AGAP1: variants seen among roughly 807,000 people sequenced by gnomAD.
The protein encoded by AGAP1 is ArfGAP with GTPase domain, ankyrin repeat and PH domain 1, also known as arf-GAP with GTPase, ANK repeat and PH domain-containing protein 1.
AGAP1 carries 29 observed loss-of-function variants against 105.3 expected under a neutral mutation model. That is an observed-to-expected ratio of 0.28 (90% CI 0.21 to 0.38). AGAP1 has a LOEUF of 0.38. Among genes scored for constraint, AGAP1 ranks in the 10% least tolerant of loss-of-function variants. AGAP1 has a pLI of 1.00. For missense variants in AGAP1, 998 were observed against 1,165.1 expected (o/e 0.86, Z 2.09); for synonymous variants, 509 against 485.9 (o/e 1.05, Z -0.63).
rs1017219330 is a variant in AGAP1 at position 236,076,061 on chromosome 2, G to A, written c.2114+26780G>A. 7.9e-5 allele frequency among the ~76,000 whole-genome samples: 12 copies of A among 152,340 alleles called. No homozygotes were observed. The highest frequency in any genetic ancestry group is 1.9e-4 in the East Asian group (1 of 5,172). On this transcript the variant is annotated intron_variant, in intron 16 of 17. Transcript: ENST00000304032. This position sits in a 1 kb window ranked among gnomAD's most constrained non-coding sequence, Gnocchi z 4.4. ...TGCTCCTCACCAAGGCCCAAGACCCGTGCTGTCATAACAGTCCTCCTTCAG... is the reference window on the plus strand; with the variant it reads ...TGCTCCTCACCAAGGCCCAAGACCCATGCTGTCATAACAGTCCTCCTTCAG...
rs1446863905 is a variant in AGAP1, at chr2:236,076,921, C to CA, written c.2114+27641dup. On this transcript the variant is annotated intron_variant, in intron 16 of 17. Coordinates refer to ENST00000304032, the MANE Select transcript of AGAP1 (RefSeq NM_001037131.3). This position sits in a 1 kb window ranked among gnomAD's most constrained non-coding sequence, Gnocchi z 4.4. ...AGGAGTTCAAGACCAGCCAGGGCAA[C>CA]ATGGCAAAACCCTGTCACTACAGAA... Among the ~76,000 whole-genome samples, 1 of 150,710 alleles carries CA rather than the reference C, an allele frequency of 6.6e-6. No homozygotes were observed. Among genetic ancestry groups the CA allele is most frequent in the African/African-American group, 2.4e-5 (1 of 40,960 alleles).
At position 235,625,511 on chromosome 2, in the gene AGAP1, T is replaced by G. The variant is rs961302667; in HGVS notation, c.164-83668T>G. ...GAAAGAGAAAACCATGCTTTGCATG[T>G]GTCTTTTTACCAACCCAATGAGATT... On this transcript the variant is annotated intron_variant, in intron 1 of 17. Transcript: ENST00000304032. The surrounding 1 kb of genome is among the most constrained non-coding windows in gnomAD (Gnocchi z 4.0). Among the ~76,000 whole-genome samples, 1 of 152,198 alleles carries G rather than the reference T, an allele frequency of 6.6e-6. No individual in the cohort carries two copies. The highest frequency in any genetic ancestry group is 2.4e-5 in the African/African-American group (1 of 41,440).
rs371798262 is a variant in AGAP1, at chr2:236,012,792, C to A, written c.1646-23769C>A. 3.3e-4 allele frequency among the ~76,000 whole-genome samples: 41 copies of A among 122,624 alleles called. No individual in the cohort carries two copies. Among genetic ancestry groups the A allele is most frequent in the Admixed American group, 1.9e-3 (25 of 13,100 alleles). 80.4% of individuals were successfully genotyped at this position (122,624 alleles called of 152,430 possible). ...TATTATTATTATTATTATTATTATT[C>A]TCTTGAGATGGAATCTCTCACTGTC... On this transcript the variant is annotated intron_variant, in intron 13 of 17. Transcript: ENST00000304032. The surrounding 1 kb of genome is among the most constrained non-coding windows in gnomAD (Gnocchi z 4.9).
chr2:235,969,036 A>G (rs1318817830), intron 13 of AGAP1, among the ~76,000 whole-genome samples: 1 of 152,160 alleles, frequency 6.6e-6, no homozygotes, highest in Non-Finnish European at 1.5e-5. Context: ...GGTTACTCTT[A>G]ACTAACCAGA....
At chr2:235,861,736 A>G (rs750958142) in intron 9 of AGAP1, among the ~76,000 whole-genome samples, 2 of 152,206 alleles carry the variant, frequency 1.3e-5, no homozygotes, top group Non-Finnish European at 2.9e-5. Flanking sequence ...GGGGACTGGT[A>G]GGTACCCTGA....
rs1012141075 is a variant in AGAP1, at chr2:235,734,655, A to G, written c.311-6308A>G. ...AAGCACAGTGATGATTATTGGAGCTAAAGACAGAGGCCACCCTTCCCAAGT... is the reference window on the plus strand; with the variant it reads ...AAGCACAGTGATGATTATTGGAGCTGAAGACAGAGGCCACCCTTCCCAAGT... On this transcript the variant is annotated intron_variant, in intron 3 of 17. Transcript: ENST00000304032. The surrounding 1 kb of genome is among the most constrained non-coding windows in gnomAD (Gnocchi z 5.3). Among the ~76,000 whole-genome samples, 2 of 152,236 alleles carry G rather than the reference A, an allele frequency of 1.3e-5. No individual in the cohort carries two copies. The highest frequency in any genetic ancestry group is 2.9e-5 in the Non-Finnish European group (2 of 68,038).
chr2:235,957,530 C>T lies in AGAP1; in HGVS notation c.1484-10932C>T, dbSNP rs1287395546. Among the ~76,000 whole-genome samples, 1 of 152,170 alleles carries T rather than the reference C, an allele frequency of 6.6e-6. No homozygotes were observed. The highest frequency in any genetic ancestry group is 2.4e-5 in the African/African-American group (1 of 41,430). On this transcript the variant is annotated intron_variant, in intron 12 of 17. Coordinates refer to ENST00000304032, the MANE Select transcript of AGAP1 (RefSeq NM_001037131.3). This position sits in a 1 kb window ranked among gnomAD's most constrained non-coding sequence, Gnocchi z 4.6. Reference sequence around the variant, plus strand: ...GGGACAATAATGCCAGTCTCTGAAACATCTTCAGAGATGGGGAATTCAAGT... The same window carrying T: ...GGGACAATAATGCCAGTCTCTGAAATATCTTCAGAGATGGGGAATTCAAGT...
At chr2:236,070,255 A>G (rs1029728732) in intron 16 of AGAP1, among the ~76,000 whole-genome samples, 1 of 152,230 alleles carries the variant, frequency 6.6e-6, no homozygotes, top group East Asian at 1.9e-4. Flanking sequence ...CATCAGGGCG[A>G]GTGGTTAGGG....
Position 235,893,701 on chromosome 2 carries a change from G to A in AGAP1, c.1155+10252G>A, listed in dbSNP as rs753142096. ...TCTAGTGTATGTCATTGAGGAGGAG[G>A]GCTGTGTTCCCCACAGTCTGCCCAG... On this transcript the variant is annotated intron_variant, in intron 10 of 17. Coordinates refer to ENST00000304032, the MANE Select transcript of AGAP1 (RefSeq NM_001037131.3). The surrounding 1 kb of genome is among the most constrained non-coding windows in gnomAD (Gnocchi z 4.7). Among the ~76,000 whole-genome samples the A allele has an allele frequency of 6.6e-6, 1 of 152,136 alleles. No individual in the cohort carries two copies. The highest frequency in any genetic ancestry group is 1.5e-5 in the Non-Finnish European group (1 of 68,030).
intron 12 of AGAP1, among the ~76,000 whole-genome samples, chr2:235,933,778 G>T (rs192098347): frequency 3.3e-5 from 5 of 152,088 alleles, no homozygotes; most frequent in Non-Finnish European, 5.9e-5. Context: ...TGATCTGCCC[G>T]CCTTGGCCTC....
In AGAP1 at chr2:235,725,318, C is replaced by G. The variant is rs1951591151; in HGVS notation, c.310+7674C>G. ...GTTTTAACGAATGTTTACTTAGTTT[C>G]TTAGAAACAAAACGTGGTAAACACC... On this transcript the variant is annotated intron_variant, in intron 3 of 17. Transcript: ENST00000304032. The surrounding 1 kb of genome is among the most constrained non-coding windows in gnomAD (Gnocchi z 5.7). Among the ~76,000 whole-genome samples, 1 of 152,128 alleles carries G rather than the reference C, an allele frequency of 6.6e-6. No individual in the cohort carries two copies. The highest frequency in any genetic ancestry group is 2.4e-5 in the African/African-American group (1 of 41,408).
chr2:235,782,568 T>C (rs528906846), intron 6 of AGAP1, among the ~76,000 whole-genome samples: 3 of 150,428 alleles, frequency 2.0e-5, no homozygotes, highest in East Asian at 3.9e-4. Flanking sequence ...CTGAGTTCTT[T>C]TTGTCTATGC....
chr2:236,034,938 G>C (rs2057334338), intron 13 of AGAP1, among the ~76,000 whole-genome samples: 1 of 152,336 alleles, frequency 6.6e-6, no homozygotes, highest in South Asian at 2.1e-4. Flanking sequence ...GGCTGCTCAG[G>C]TGGAAGGGAT....
At position 235,773,977 on chromosome 2, in the gene AGAP1, C is replaced by T. The variant is rs143536566; in HGVS notation, c.673+23489C>T. 2,771 of 470,494 alleles carry T rather than the reference C, an allele frequency of 5.9e-3. 56 individuals carry two copies. The highest frequency in any genetic ancestry group is 0.051 in the African/African-American group (2,565 of 50,068). The allele number at this position is 470,494 out of a possible 1,614,324, so 29.1% of individuals were successfully genotyped here. On this transcript the variant is annotated intron_variant, in intron 6 of 17. Transcript: ENST00000304032. ...CTGGTCCATTCAGCCAACTTTTTTTCCCCCTCTAAGATTTTTAACAAAAAT... is the reference window on the plus strand; with the variant it reads ...CTGGTCCATTCAGCCAACTTTTTTTTCCCCTCTAAGATTTTTAACAAAAAT...
chr2:235,494,628 C>T lies in AGAP1; in HGVS notation c.-59C>T. ...GCCCCGGGCTCGGCGGCCCGCGGGC[C>T]CCGGGGCGCGGGGCGGCGGCGGCGG... is the stretch of plus-strand genomic sequence containing the variant. On this transcript the variant is annotated 5_prime_UTR_variant, in exon 1 of 18. Transcript: ENST00000304032. The T allele has an allele frequency of 2.1e-6, 2 of 953,684 alleles. No individual in the cohort carries two copies. The highest frequency in any genetic ancestry group is 2.5e-6 in the Non-Finnish European group (2 of 805,858). The allele number at this position is 953,684 out of a possible 1,614,324, so 59.1% of individuals were successfully genotyped here.
At chr2:235,853,704 G>A (rs981247724) in intron 9 of AGAP1, among the ~76,000 whole-genome samples, 1 of 152,160 alleles carries the variant, frequency 6.6e-6, no homozygotes, top group Non-Finnish European at 1.5e-5. Flanking sequence ...CATTTAGGGA[G>A]TAAAGTATGA....
chr2:235,529,700 G>A (rs1486239938), intron 1 of AGAP1, among the ~76,000 whole-genome samples: 2 of 152,198 alleles, frequency 1.3e-5, no homozygotes, highest in Admixed American at 6.5e-5. Flanking sequence ...GCACACATTT[G>A]TCTACATGTG....
At position 235,959,490 on chromosome 2, in the gene AGAP1, G is replaced by A. The variant is rs184848311; in HGVS notation, c.1484-8972G>A. 1.3e-4 allele frequency among the ~76,000 whole-genome samples: 20 copies of A among 152,232 alleles called. No individual in the cohort carries two copies. The highest frequency in any genetic ancestry group is 1.2e-3 in the Admixed American group (18 of 15,294). ...TCATATTCCCGTGGCCGAGCTCAGCGCCCAGTGGACGGGAACCCGGTCCTT... is the reference window on the plus strand; with the variant it reads ...TCATATTCCCGTGGCCGAGCTCAGCACCCAGTGGACGGGAACCCGGTCCTT... On this transcript the variant is annotated intron_variant, in intron 12 of 17. Transcript: ENST00000304032. This position sits in a 1 kb window ranked among gnomAD's most constrained non-coding sequence, Gnocchi z 7.3.
chr2:235,504,916 T>C (rs1941729774), intron 1 of AGAP1, among the ~76,000 whole-genome samples: 2 of 152,220 alleles, frequency 1.3e-5, no homozygotes, highest in Non-Finnish European at 2.9e-5. Context: ...TAATGACGGC[T>C]GTGTGCATGG....
Sources: gnomAD v4.1 joint callset for allele counts (sites outside exome capture counted in the v4.1 genomes callset) on GRCh38, gnomAD v4.1.1 for gene constraint, Gnocchi (gnomAD v3.1) non-coding constraint, MANE v1.5 for transcripts, NCBI Gene and HGNC (gene_info 2026-07-23, HGNC 2026-07-21) for gene names.